The following PRKG1 variants were observed in gnomAD, a reference collection of about 807,000 sequenced individuals.
The protein encoded by PRKG1 is cGMP-dependent protein kinase 1.
A neutral mutation model predicts 88.1 loss-of-function variants in PRKG1; 35 were observed. The ratio of observed to expected loss-of-function variants is 0.40; its 90% confidence interval spans 0.30 to 0.53. The LOEUF (loss-of-function observed/expected upper bound fraction) is 0.53, where lower values mean the gene tolerates loss of function less well. PRKG1 is among the 20% of genes least tolerant of loss of function. The pLI is 0.59. For synonymous variants in PRKG1, 303 were observed against 292.5 expected (o/e 1.04, Z -0.37); for missense variants, 540 against 839.8 (o/e 0.64, Z 4.41).
At chr10:51,708,832 C>T (rs1245151337) in intron 3 of PRKG1, among the ~76,000 whole-genome samples, 1 of 152,154 alleles carries the variant, frequency 6.6e-6, no homozygotes, top group African/African-American at 2.4e-5. Flanking sequence ...CTTTACCTTC[C>T]AGGTCATGGA....
At chr10:52,131,870 G>C (rs1032246265) in intron 7 of PRKG1, among the ~76,000 whole-genome samples, 1 of 147,534 alleles carries the variant, frequency 6.8e-6, no homozygotes, top group Non-Finnish European at 1.5e-5. Context: ...CCAAAAGGCA[G>C]GGAATGTGAG....
chr10:51,713,660 CA>C (rs1841814768), intron 3 of PRKG1, among the ~76,000 whole-genome samples: 1 of 152,134 alleles, frequency 6.6e-6, no homozygotes, highest in Admixed American at 6.5e-5. Context: ...TTTAGATGTT[CA>C]AAAGGCATTA....
intron 5 of PRKG1, among the ~76,000 whole-genome samples, chr10:52,000,322 G>A (rs368972057): frequency 0.018 from 2,189 of 118,916 alleles, 61 homozygotes; most frequent in African/African-American, 0.073. Flanking sequence ...GAGTGAGACA[G>A]CAATATATAT....
At chr10:52,046,221 A>C (rs1310440959) in intron 5 of PRKG1, among the ~76,000 whole-genome samples, 1 of 152,146 alleles carries the variant, frequency 6.6e-6, no homozygotes, top group Non-Finnish European at 1.5e-5. Context: ...CGCAATAAAA[A>C]TAAATTCATT....
At chr10:51,324,443 T>C (rs1841531600) in intron 2 of PRKG1, among the ~76,000 whole-genome samples, 1 of 152,120 alleles carries the variant, frequency 6.6e-6, no homozygotes, top group Non-Finnish European at 1.5e-5. Flanking sequence ...TCCTTTGTTA[T>C]AGCCCATTAA....
chr10:52,123,629 A>G (rs569656541), intron 7 of PRKG1, among the ~76,000 whole-genome samples: 2 of 152,224 alleles, frequency 1.3e-5, no homozygotes, highest in Admixed American at 1.3e-4. Flanking sequence ...TTGTTCTGTA[A>G]TATATGAATT....
chr10:51,738,645 A>T (rs1041687268), intron 3 of PRKG1, among the ~76,000 whole-genome samples: 1 of 151,522 alleles, frequency 6.6e-6, no homozygotes, highest in Non-Finnish European at 1.5e-5. Context: ...GGTGAGAATG[A>T]GCTGACTGGG....
intron 12 of PRKG1, among the ~76,000 whole-genome samples, chr10:52,278,273 T>G (rs1841920690): frequency 1.3e-5 from 2 of 152,194 alleles, no homozygotes; most frequent in Non-Finnish European, 1.5e-5. Context: ...AGATACCATC[T>G]CATGCCAGTT....
chr10:52,051,832 A>G (rs1327253164), intron 5 of PRKG1, among the ~76,000 whole-genome samples: 2 of 152,138 alleles, frequency 1.3e-5, no homozygotes, highest in East Asian at 3.9e-4. Context: ...GAGCACACAT[A>G]GCTGTTTACT....
chr10:51,486,053 T>C lies in PRKG1; in HGVS notation c.592+18217T>C, dbSNP rs1359562017. Among the ~76,000 whole-genome samples, 3 of 152,200 alleles carry C rather than the reference T, an allele frequency of 2.0e-5. No individual in the cohort carries two copies. In the East Asian group the frequency reaches 5.8e-4, roughly 29 times the overall value. On this transcript the variant is annotated intron_variant, in intron 3 of 17. Coordinates refer to ENST00000373980, the MANE Select transcript of PRKG1 (RefSeq NM_006258.4). ...TCTTGAGGCCCCTCTCCAAAGTGTT[T>C]CCGTTCATCTTGTAATCATTAAGTA... is the stretch of plus-strand genomic sequence containing the variant.
At chr10:51,504,856 C>T (rs375670596) in intron 3 of PRKG1, among the ~76,000 whole-genome samples, 2,706 of 152,008 alleles carry the variant, frequency 0.018, 61 homozygotes, top group African/African-American at 0.046. Context: ...GCTTATCAGC[C>T]TAAGGAGATG....
intron 8 of PRKG1, among the ~76,000 whole-genome samples, chr10:52,150,149 A>AAATAATAATAATAAT (rs67354776): frequency 0.19 from 15,718 of 82,030 alleles, 1,091 homozygotes; most frequent in Middle Eastern, 0.25. Flanking sequence ...CTCCATCTCA[A>AAATAATAATAATAAT]AATAATAATA....
At chr10:51,954,921 A>G (rs1843268030) in intron 5 of PRKG1, among the ~76,000 whole-genome samples, 1 of 151,966 alleles carries the variant, frequency 6.6e-6, no homozygotes, top group African/African-American at 2.4e-5. Context: ...AATTATCAAC[A>G]TTTTGCTATC....
chr10:51,008,055 A>G (rs544828164), intron 1 of PRKG1, among the ~76,000 whole-genome samples: 10 of 152,266 alleles, frequency 6.6e-5, no homozygotes, highest in Non-Finnish European at 1.2e-4. Flanking sequence ...ACTATACTAC[A>G]TGATAATCAA....
At chr10:52,038,767 C>G (rs769246564) in intron 5 of PRKG1, among the ~76,000 whole-genome samples, 2 of 152,122 alleles carry the variant, frequency 1.3e-5, no homozygotes, top group Non-Finnish European at 1.5e-5. Flanking sequence ...TGATAAAACA[C>G]CAGGGGAAGG....
intron 9 of PRKG1, among the ~76,000 whole-genome samples, chr10:52,177,968 CTT>C (rs879382037): frequency 4.4e-5 from 6 of 135,724 alleles, no homozygotes; most frequent in African/African-American, 5.4e-5. Context: ...TTTTGCATTG[CTT>C]TTTTTTTTTG....
At chr10:52,030,149 A>C (rs1371772803) in intron 5 of PRKG1, among the ~76,000 whole-genome samples, 1 of 152,196 alleles carries the variant, frequency 6.6e-6, no homozygotes, top group African/African-American at 2.4e-5. Flanking sequence ...CTTAAGTCTC[A>C]AGTCCTACCA....
At chr10:52,217,300 C>G (rs113536900) in intron 9 of PRKG1, among the ~76,000 whole-genome samples, 2 of 151,508 alleles carry the variant, frequency 1.3e-5, no homozygotes, top group African/African-American at 4.9e-5. Context: ...GAGAGATGTG[C>G]GGGGTAAATA....
At chr10:51,766,055 C>A (rs563408001) in intron 3 of PRKG1, among the ~76,000 whole-genome samples, 9 of 152,188 alleles carry the variant, frequency 5.9e-5, no homozygotes, top group East Asian at 1.9e-4. Context: ...CACAATGTAG[C>A]AGTCTCTCGT....
Sources: allele counts gnomAD v4.1 joint callset (sites outside exome capture counted in the v4.1 genomes callset), GRCh38; gene constraint gnomAD v4.1.1; transcripts MANE v1.5; gene names NCBI Gene and HGNC (gene_info 2026-07-23, HGNC 2026-07-21).